The following NPAT variants were observed in gnomAD, a reference collection of about 807,000 sequenced individuals.
The protein encoded by NPAT is nuclear protein, coactivator of histone transcription.
NPAT carries 52 observed loss-of-function variants against 130.7 expected under a neutral mutation model. The observed-to-expected ratio is 0.40, with a 90% CI of 0.32 to 0.50. The LOEUF is 0.50. Among genes scored for constraint, NPAT ranks in the 20% least tolerant of loss-of-function variants. The pLI is 0.68. For synonymous variants in NPAT, 580 were observed against 584.8 expected (o/e 0.99, Z 0.12); for missense variants, 1,687 against 1,662.6 (o/e 1.01, Z -0.26).
At chr11:108,166,375 G>A in intron 15 of NPAT, among the ~76,000 whole-genome samples, 1 of 152,198 alleles carries the variant, frequency 6.6e-6, no homozygotes, top group East Asian at 1.9e-4. Context: ...CTGAGTGACA[G>A]AGCAAGACTC....
At chr11:108,183,750 G>A (rs1202509851) in intron 10 of NPAT, among the ~76,000 whole-genome samples, 1 of 152,102 alleles carries the variant, frequency 6.6e-6, no homozygotes. Context: ...AGCCAAGATC[G>A]TGCCACTGCA....
At chr11:108,178,296 GTTCTT>G (rs1017241807) in intron 10 of NPAT, among the ~76,000 whole-genome samples, 2 of 152,114 alleles carry the variant, frequency 1.3e-5, no homozygotes, top group African/African-American at 4.8e-5. Context: ...TGTATTTTTA[GTTCTT>G]TTGAGTTAGA....
chr11:108,167,982 G>C (rs928392818), intron 15 of NPAT, among the ~76,000 whole-genome samples: 78 of 152,078 alleles, frequency 5.1e-4, no homozygotes, highest in Non-Finnish European at 1.1e-3. Context: ...TTAGTAATCA[G>C]AATAAAGTAA....
At chr11:108,190,150 A>C (rs2078152755) in intron 5 of NPAT, among the ~76,000 whole-genome samples, 1 of 151,334 alleles carries the variant, frequency 6.6e-6, no homozygotes, top group African/African-American at 2.4e-5. Context: ...TCTCTACTAA[A>C]AATACAAAAA....
chr11:108,190,509 G>C lies in NPAT; in HGVS notation c.291-9C>G, dbSNP rs759023459. 2 of 1,612,754 alleles carry C rather than the reference G, an allele frequency of 1.2e-6. No homozygotes were observed. The highest frequency in any genetic ancestry group is 3.3e-5 in the Admixed American group (2 of 59,952). ...GGGAACTTTGCATGCTCCTAACAAAGAAAACAAAGTAGTTATCCATCAAAA... is the reference window on the plus strand; with the variant it reads ...GGGAACTTTGCATGCTCCTAACAAACAAAACAAAGTAGTTATCCATCAAAA... On this transcript the variant is annotated splice_polypyrimidine_tract_variant and intron_variant, in intron 4 of 17. Transcript: ENST00000278612.
Position 108,193,564 on chromosome 11 carries a change from A to T in NPAT, c.217+393T>A, listed in dbSNP as rs538922333. 3.3e-5 allele frequency among the ~76,000 whole-genome samples: 5 copies of T among 152,236 alleles called. No homozygotes were observed. The East Asian group carries it at 9.7e-4, about 29-fold the overall frequency. On this transcript the variant is annotated intron_variant, in intron 3 of 17. Coordinates refer to ENST00000278612, the MANE Select transcript of NPAT (RefSeq NM_002519.3). ...AACATGGAGAAACCCTGGCTCTACTAAAAATACAAAATTAGCCGGGCATGG... is the reference window on the plus strand; with the variant it reads ...AACATGGAGAAACCCTGGCTCTACTTAAAATACAAAATTAGCCGGGCATGG...
At chr11:108,198,516 T>G (rs2078245428) in intron 1 of NPAT, among the ~76,000 whole-genome samples, 1 of 150,884 alleles carries the variant, frequency 6.6e-6, no homozygotes, top group Non-Finnish European at 1.5e-5. Context: ...AGCAGACGGG[T>G]AGGGTACCCG....
chr11:108,193,251 T>TA, intron 3 of NPAT, among the ~76,000 whole-genome samples: 1 of 152,350 alleles, frequency 6.6e-6, no homozygotes, highest in East Asian at 1.9e-4. Context: ...TGTTCAGACT[T>TA]AGACTACATA....
At chr11:108,213,416 A>G (rs2078403146) in intron 1 of NPAT, among the ~76,000 whole-genome samples, 1 of 152,256 alleles carries the variant, frequency 6.6e-6, no homozygotes, top group South Asian at 2.1e-4. Flanking sequence ...TTACAATAGC[A>G]TCAAAAGAAA....
chr11:108,171,706 C>G (rs774427613), intron 13 of NPAT: 18 of 153,348 alleles, frequency 1.2e-4, no homozygotes, highest in Non-Finnish European at 2.2e-4. Context: ...AGGCTGGTCT[C>G]AAACTCCTGA....
At chr11:108,214,808 T>C (rs2078418151) in intron 1 of NPAT, among the ~76,000 whole-genome samples, 1 of 152,050 alleles carries the variant, frequency 6.6e-6, no homozygotes, top group African/African-American at 2.4e-5. Context: ...AATTTTTATA[T>C]TTTTAGTAGA....
chr11:108,171,088 C>G (rs902582335), intron 13 of NPAT: 1 of 150,592 alleles, frequency 6.6e-6, no homozygotes, highest in East Asian at 1.9e-4. Flanking sequence ...TAACACAGCA[C>G]GCAATAAATG....
intron 10 of NPAT, among the ~76,000 whole-genome samples, chr11:108,180,884 A>G (rs1341515004): frequency 6.6e-6 from 1 of 152,214 alleles, no homozygotes; most frequent in Non-Finnish European, 1.5e-5. Flanking sequence ...AAATCCCATC[A>G]CAGGCCATGT....
At position 108,172,289 on chromosome 11, in the gene NPAT, C is replaced by T. The variant is rs1308590465; in HGVS notation, c.2695G>A (p.Ala899Thr). 6.2e-7 allele frequency: 1 copy of T among 1,614,058 alleles called. No homozygotes were observed. The highest frequency in any genetic ancestry group is 8.5e-7 in the Non-Finnish European group (1 of 1,179,906). Residue 899 changes from alanine (A) to threonine (T), a missense_variant, in exon 13 of 18, where the codon GCT becomes ACT. Physicochemically the swap from Ala to Thr is moderately conservative, Grantham distance 58. Coordinates refer to ENST00000278612, the MANE Select transcript of NPAT (RefSeq NM_002519.3). ...VLPGNSAPMT[A>T]QPLPPQLQTP... is the part of the protein sequence containing the mutation. ...TGTAACTGAGGTGGTAGAGGTTGAG[C>T]AGTCATAGGTGCAGAATTTCCAGGC... is the stretch of plus-strand genomic sequence containing the variant.
chr11:108,173,833 G>T lies in NPAT; in HGVS notation c.1151C>A (p.Pro384His). 6.2e-7 allele frequency: 1 copy of T among 1,614,132 alleles called. No homozygotes were observed. The highest frequency in any genetic ancestry group is 1.7e-5 in the Admixed American group (1 of 60,024). The change falls in exon 13 of 18, where the codon CCC (proline) becomes CAC (histidine). Residue 384 changes from proline (P) to histidine (H), a missense_variant. Physicochemically the swap from Pro to His is moderately conservative, Grantham distance 77 (BLOSUM62 -2). Coordinates refer to ENST00000278612, the MANE Select transcript of NPAT (RefSeq NM_002519.3). ...TEESDGQSGQPAFCTSYQNDD... is the reference protein window; with the variant it reads ...TEESDGQSGQHAFCTSYQNDD... Reference sequence around the variant, plus strand: ...ATTCTGATAGGATGTACAAAAAGCGGGCTGACCAGACTGACCATCTGCAAA... The same window carrying T: ...ATTCTGATAGGATGTACAAAAAGCGTGCTGACCAGACTGACCATCTGCAAA...
intron 1 of NPAT, among the ~76,000 whole-genome samples, chr11:108,209,225 A>T (rs1202344804): frequency 6.6e-6 from 1 of 152,160 alleles, no homozygotes; most frequent in Non-Finnish European, 1.5e-5. Context: ...GGCTGCAGTG[A>T]GCCAAGACCA....
intron 1 of NPAT, among the ~76,000 whole-genome samples, chr11:108,203,501 G>A (rs550724605): frequency 3.3e-5 from 5 of 152,116 alleles, no homozygotes; most frequent in Non-Finnish European, 4.4e-5. Context: ...GAAAACTGAC[G>A]GAATTATCTC....
At chr11:108,204,975 G>C (rs1343150889) in intron 1 of NPAT, among the ~76,000 whole-genome samples, 1 of 151,642 alleles carries the variant, frequency 6.6e-6, no homozygotes, top group African/African-American at 2.4e-5. Context: ...GCAAATTTGA[G>C]AAAAAACTTA....
intron 7 of NPAT, among the ~76,000 whole-genome samples, chr11:108,187,809 G>T (rs766190393): frequency 1.1e-4 from 16 of 151,822 alleles, no homozygotes; most frequent in Non-Finnish European, 2.4e-4. Context: ...AACATGGATT[G>T]CAAAAAATCT....
Sources: gnomAD v4.1 joint callset for allele counts (sites outside exome capture counted in the v4.1 genomes callset) on GRCh38, gnomAD v4.1.1 for gene constraint, MANE v1.5 for transcripts, NCBI Gene and HGNC (gene_info 2026-07-23, HGNC 2026-07-21) for gene names.